The following JAK2 variants were observed in gnomAD, a reference collection of about 807,000 sequenced individuals.
JAK2 encodes Janus kinase 2.
Under a neutral mutation model 139.3 loss-of-function variants are expected in JAK2, and 86 were observed. The observed-to-expected ratio is 0.62, with a 90% CI of 0.52 to 0.74. JAK2 has a LOEUF of 0.74. Among genes scored for constraint, JAK2 ranks in the 30% least tolerant of loss-of-function variants. JAK2 has a pLI of 0.00. For missense variants in JAK2, 1,421 were observed against 1,360.3 expected (o/e 1.04, Z -0.70); for synonymous variants, 490 against 437.7 (o/e 1.12, Z -1.49).
chr9:5,113,461 C>A (rs1822836914), intron 22 of JAK2: 1 of 144,832 alleles, frequency 6.9e-6, no homozygotes, highest in African/African-American at 2.6e-5. Context: ...CCGGACTGAC[C>A]TTGGCCAGGC....
chr9:5,077,539 C>A lies in JAK2; in HGVS notation c.1951C>A (p.Leu651Ile). Residue 651 changes from leucine (L) to isoleucine (I), a missense_variant, in exon 15 of 25, where the codon CTT becomes ATT. By Grantham distance (5) the Leu-to-Ile change is conservative. Transcript: ENST00000381652. Reference sequence around the variant, plus strand: ...AAATTGTATAAATATATTATGGAAACTTGAAGTTGCTAAACAGTTGGCATG... The same window carrying A: ...AAATTGTATAAATATATTATGGAAAATTGAAGTTGCTAAACAGTTGGCATG... ...NKNCINILWK[L>I]EVAKQLAWAM... is the part of the protein sequence containing the mutation. 6.7e-7 allele frequency: 1 copy of A among 1,488,692 alleles called. No individual in the cohort carries two copies. The highest frequency in any genetic ancestry group is 8.9e-7 in the Non-Finnish European group (1 of 1,118,178). The allele number at this position is 1,488,692 out of a possible 1,614,324, so 92.2% of individuals were successfully genotyped here. A position where few individuals can be genotyped will look rare whatever the true frequency, so the allele number is the denominator to read the frequency against.
Position 5,129,032 on chromosome 9 carries a change from T to C in JAK2, c.*2241T>C, listed in dbSNP as rs890100956. 6.6e-6 allele frequency among the ~76,000 whole-genome samples: 1 copy of C among 152,094 alleles called. No homozygotes were observed. Among genetic ancestry groups the C allele is most frequent in the African/African-American group, 2.4e-5 (1 of 41,450 alleles). ...TTTATATATGCTGCCAGTAACACTA[T>C]AATTTGCTATGGAAGAGTGTTCTTT... On this transcript the variant is annotated 3_prime_UTR_variant, in exon 25 of 25. Coordinates refer to ENST00000381652, the MANE Select transcript of JAK2 (RefSeq NM_004972.4).
chr9:5,008,098 T>C (rs1821439374), intron 2 of JAK2, among the ~76,000 whole-genome samples: 1 of 152,210 alleles, frequency 6.6e-6, no homozygotes, highest in Non-Finnish European at 1.5e-5. Flanking sequence ...AAGCTGAGTT[T>C]CACATTTTTA....
chr9:5,008,161 A>G (rs879497269), intron 2 of JAK2, among the ~76,000 whole-genome samples: 2 of 152,168 alleles, frequency 1.3e-5, no homozygotes, highest in Admixed American at 6.5e-5. Context: ...AATTATATAA[A>G]TTTTTTATAG....
chr9:4,990,401 T>C (rs900815255), intron 2 of JAK2, among the ~76,000 whole-genome samples: 1 of 152,168 alleles, frequency 6.6e-6, no homozygotes, highest in Non-Finnish European at 1.5e-5. Context: ...GTAGAGGGGA[T>C]GTAGACAGTT....
intron 3 of JAK2, among the ~76,000 whole-genome samples, chr9:5,026,008 C>A (rs1822760613): frequency 1.3e-5 from 2 of 151,988 alleles, no homozygotes; most frequent in African/African-American, 4.8e-5. Context: ...TTTATCTGTG[C>A]CTCTTTTTTT....
chr9:5,089,562 A>C, intron 19 of JAK2, 112 bp from the exon 20 acceptor site: 1 of 351,688 alleles, frequency 2.8e-6, no homozygotes, highest in Non-Finnish European at 4.8e-6. Flanking sequence ...AAAAAAAAAA[A>C]AAAGACAGTC....
At chr9:5,112,574 G>C (rs1028757426) in intron 22 of JAK2, 4 of 668,360 alleles carry the variant, frequency 6.0e-6, no homozygotes, top group Non-Finnish European at 1.0e-5. Flanking sequence ...GAGCGGCTGC[G>C]GGTCCCTTAA....
At chr9:5,095,321 G>A (rs1443803413) in intron 22 of JAK2, among the ~76,000 whole-genome samples, 1 of 151,830 alleles carries the variant, frequency 6.6e-6, no homozygotes, top group Non-Finnish European at 1.5e-5. Context: ...ATCTGAACAG[G>A]CCTAGGAATA....
At chr9:5,099,531 C>G (rs972969395) in intron 22 of JAK2, 2 of 152,042 alleles carry the variant, frequency 1.3e-5, no homozygotes, top group Admixed American at 6.5e-5. Flanking sequence ...ATAATCAAAA[C>G]ACAAAAACAC....
intron 5 of JAK2, among the ~76,000 whole-genome samples, chr9:5,048,882 A>G (rs997291801): frequency 6.6e-6 from 1 of 152,180 alleles, no homozygotes; most frequent in South Asian, 2.1e-4. Context: ...TCGCATTGTT[A>G]TTTTAGGTAA....
intron 6 of JAK2, among the ~76,000 whole-genome samples, chr9:5,051,545 T>G (rs1376332304): frequency 2.0e-5 from 3 of 152,216 alleles, no homozygotes; most frequent in Non-Finnish European, 4.4e-5. Context: ...AGGGTATTCT[T>G]ATACAAATGG....
intron 6 of JAK2, among the ~76,000 whole-genome samples, chr9:5,053,034 A>G (rs976176886): frequency 3.9e-5 from 6 of 152,056 alleles, no homozygotes; most frequent in Non-Finnish European, 7.4e-5. Flanking sequence ...TTCCTGGAAC[A>G]TATGGTAACT....
chr9:5,081,907 A>C, intron 19 of JAK2, 46 bp downstream of exon 19: 1 of 1,494,568 alleles, frequency 6.7e-7, no homozygotes, highest in Non-Finnish European at 9.3e-7. Context: ...CATTTCATTT[A>C]GGAAAAACTT....
At chr9:5,085,497 C>T in intron 19 of JAK2, 1 of 720,792 alleles carries the variant, frequency 1.4e-6, no homozygotes, top group Admixed American at 1.8e-5. Flanking sequence ...TTTCTTTTGA[C>T]CCGAGCTGAA....
chr9:5,012,863 G>T (rs1383329736), intron 2 of JAK2, among the ~76,000 whole-genome samples: 1 of 152,096 alleles, frequency 6.6e-6, no homozygotes, highest in African/African-American at 2.4e-5. Context: ...ATATGAGGGT[G>T]GCTCCTGTGG....
At chr9:5,086,122 G>C in intron 19 of JAK2, 1 of 431,808 alleles carries the variant, frequency 2.3e-6, no homozygotes, top group Non-Finnish European at 4.2e-6. Context: ...ATCGGCAGCG[G>C]CGCGCGGCCC....
At chr9:5,112,704 T>C in intron 22 of JAK2, 1 of 866,780 alleles carries the variant, frequency 1.2e-6, no homozygotes, top group Non-Finnish European at 1.7e-6. Flanking sequence ...GAGCAGCAAG[T>C]GCGAGAGCGG....
chr9:5,028,138 C>T (rs909727134), intron 3 of JAK2, among the ~76,000 whole-genome samples: 10 of 152,072 alleles, frequency 6.6e-5, no homozygotes, highest in African/African-American at 1.4e-4. Context: ...AATGTGTTTC[C>T]CAAATAATAA....
Sources: allele counts gnomAD v4.1 joint callset (sites outside exome capture counted in the v4.1 genomes callset), GRCh38; gene constraint gnomAD v4.1.1; transcripts MANE v1.5; gene names NCBI Gene and HGNC (gene_info 2026-07-23, HGNC 2026-07-21).